The following BNC2 variants were observed in gnomAD, a reference collection of about 807,000 sequenced individuals.
BNC2 encodes zinc finger protein basonuclin-2.
Under a neutral mutation model 76.3 loss-of-function variants are expected in BNC2, and 20 were observed. That is an observed-to-expected ratio of 0.26 (90% CI 0.18 to 0.38). The LOEUF is 0.38. Ranked by LOEUF, BNC2 falls within the 10% of genes least tolerant of loss-of-function variation. The pLI, the probability that BNC2 is intolerant of heterozygous loss-of-function variation, is 1.00. For synonymous variants in BNC2, 582 were observed against 514.8 expected (o/e 1.13, Z -1.77); for missense variants, 1,382 against 1,399.8 (o/e 0.99, Z 0.20).
intron 1 of BNC2, among the ~76,000 whole-genome samples, chr9:16,856,253 C>G (rs1372297578): frequency 7.1e-6 from 1 of 140,222 alleles, no homozygotes; most frequent in Non-Finnish European, 1.5e-5. Context: ...ATCCATATTT[C>G]TTCACACACA....
chr9:16,587,806 C>T (rs953591690), intron 3 of BNC2, among the ~76,000 whole-genome samples: 18 of 152,272 alleles, frequency 1.2e-4, no homozygotes, highest in South Asian at 8.3e-4. Flanking sequence ...AAGTTGTTAA[C>T]GGCTACTTAT....
intron 1 of BNC2, among the ~76,000 whole-genome samples, chr9:16,785,198 T>C (rs548455230): frequency 6.6e-6 from 1 of 152,314 alleles, no homozygotes. Context: ...TATGCTCTCA[T>C]TGCAGTGCAA....
chr9:16,764,050 G>A lies in BNC2; in HGVS notation c.4-25565C>T, dbSNP rs140916662. 1.2e-3 allele frequency among the ~76,000 whole-genome samples: 185 copies of A among 152,288 alleles called. 2 individuals are homozygous for A. The highest frequency in any genetic ancestry group is 2.3e-3 in the Non-Finnish European group (159 of 68,026). On this transcript the variant is annotated intron_variant, in intron 1 of 6. Transcript: ENST00000380672. ...GTATGTGACGAGAATTAAAATAAGA[G>A]CTGGGATTGGTTCCTAATAAAAGTT...
intron 3 of BNC2, among the ~76,000 whole-genome samples, chr9:16,622,530 G>C (rs1484505494): frequency 1.3e-5 from 2 of 152,126 alleles, no homozygotes; most frequent in Non-Finnish European, 2.9e-5. Context: ...AATCCATTTG[G>C]TCAGAAGGTT....
At chr9:16,679,262 T>G (rs367797346) in intron 3 of BNC2, among the ~76,000 whole-genome samples, 20 of 152,274 alleles carry the variant, frequency 1.3e-4, no homozygotes, top group East Asian at 9.7e-4. Flanking sequence ...TGGTCCTTAC[T>G]ATACTCCATA....
At chr9:16,662,528 G>C (rs1004745488) in intron 3 of BNC2, among the ~76,000 whole-genome samples, 3 of 152,156 alleles carry the variant, frequency 2.0e-5, no homozygotes, top group African/African-American at 7.2e-5. Flanking sequence ...CTGAGGTCAA[G>C]AGTTCAAGGC....
intron 3 of BNC2, among the ~76,000 whole-genome samples, chr9:16,681,873 C>T (rs1430497675): frequency 1.3e-5 from 2 of 152,094 alleles, no homozygotes; most frequent in African/African-American, 2.4e-5. Flanking sequence ...AAAGACACCA[C>T]AGTAACTAGA....
chr9:16,606,328 G>T (rs927967540), intron 3 of BNC2, among the ~76,000 whole-genome samples: 1 of 152,072 alleles, frequency 6.6e-6, no homozygotes, highest in African/African-American at 2.4e-5. Flanking sequence ...TGGATTAGAG[G>T]GGAGAAATAT....
At chr9:16,484,388 G>A (rs1406092666) in intron 5 of BNC2, among the ~76,000 whole-genome samples, 2 of 152,154 alleles carry the variant, frequency 1.3e-5, no homozygotes, top group Non-Finnish European at 2.9e-5. Context: ...CTACAACTGT[G>A]CTTATAGATA....
intron 1 of BNC2, among the ~76,000 whole-genome samples, chr9:16,762,765 T>G (rs1249773113): frequency 6.6e-6 from 1 of 152,222 alleles, no homozygotes; most frequent in Non-Finnish European, 1.5e-5. Context: ...GAACATATTC[T>G]GAGATGACTG....
intron 3 of BNC2, among the ~76,000 whole-genome samples, chr9:16,611,417 T>G (rs1820542067): frequency 6.6e-6 from 1 of 152,152 alleles, no homozygotes; most frequent in African/African-American, 2.4e-5. Context: ...CATTTTTAAA[T>G]GACACATAAA....
In BNC2 at chr9:16,827,463, C is replaced by T. The variant is rs187798426; in HGVS notation, c.3+43183G>A. On this transcript the variant is annotated intron_variant, in intron 1 of 6. Transcript: ENST00000380672. ...TTGTACTGATGGAGAAAGATGAAGA[C>T]AATTGCTTGGGTGAGTCCAGCTCTG... Among the ~76,000 whole-genome samples, 8 of 152,268 alleles carry T rather than the reference C, an allele frequency of 5.3e-5. No homozygotes were observed. The East Asian group carries it at 1.4e-3, about 26-fold the overall frequency.
chr9:16,854,703 GA>G (rs1301650526), intron 1 of BNC2, among the ~76,000 whole-genome samples: 2 of 151,962 alleles, frequency 1.3e-5, no homozygotes, highest in African/African-American at 4.8e-5. Context: ...AAACCAAAGA[GA>G]GGCAAAGTCA....
chr9:16,750,305 A>C (rs1825151087), intron 1 of BNC2, among the ~76,000 whole-genome samples: 1 of 152,200 alleles, frequency 6.6e-6, no homozygotes, highest in Admixed American at 6.5e-5. Context: ...CTACCTAAAA[A>C]TATTTTCTGA....
At chr9:16,439,493 TA>T (rs2130891812) in intron 5 of BNC2, among the ~76,000 whole-genome samples, 1 of 152,306 alleles carries the variant, frequency 6.6e-6, no homozygotes, top group Admixed American at 6.5e-5. Context: ...CTAGATTAGC[TA>T]GTAGTAGTAT....
At chr9:16,862,627 G>A (rs572732074) in intron 1 of BNC2, among the ~76,000 whole-genome samples, 41 of 152,314 alleles carry the variant, frequency 2.7e-4, no homozygotes, top group African/African-American at 9.6e-4. Flanking sequence ...CAGGATACCT[G>A]CAGAGAGTAG....
intron 1 of BNC2, among the ~76,000 whole-genome samples, chr9:16,751,282 C>A (rs1025748008): frequency 6.6e-6 from 1 of 150,670 alleles, no homozygotes; most frequent in Non-Finnish European, 1.5e-5. Context: ...AAAAAAAACC[C>A]TAGTATATTG....
intron 3 of BNC2, among the ~76,000 whole-genome samples, chr9:16,652,721 T>C (rs1025536055): frequency 4.6e-5 from 7 of 152,200 alleles, no homozygotes; most frequent in African/African-American, 1.7e-4. Flanking sequence ...CTGGAGTTTT[T>C]CCTCATGGAC....
intron 4 of BNC2, among the ~76,000 whole-genome samples, chr9:16,559,623 G>T (rs368195682): frequency 6.6e-6 from 1 of 152,148 alleles, no homozygotes; most frequent in African/African-American, 2.4e-5. Context: ...AGCAATCTGG[G>T]CTACTTGCCC....
Sources: gnomAD v4.1 joint callset for allele counts (sites outside exome capture counted in the v4.1 genomes callset) on GRCh38, gnomAD v4.1.1 for gene constraint, MANE v1.5 for transcripts, NCBI Gene and HGNC (gene_info 2026-07-23, HGNC 2026-07-21) for gene names.